Variants in USH2A observed in about 807,000 individuals in gnomAD.
USH2A encodes the protein Usher syndrome 2A (autosomal recessive, mild).
Under a neutral mutation model 538.9 loss-of-function variants are expected in USH2A, and 443 were observed. That is an observed-to-expected ratio of 0.82 (90% CI 0.76 to 0.89). The LOEUF is 0.89. USH2A is among the 40% of genes least tolerant of loss of function. The pLI, the probability that USH2A is intolerant of heterozygous loss-of-function variation, is 0.00. For missense variants in USH2A, 6,633 were observed against 6,324.8 expected, an observed-to-expected ratio of 1.05 and a Z score of -1.65; for synonymous variants, 2,413 against 2,273.5, an observed-to-expected ratio of 1.06 and a Z score of -1.75.
At chr1:216,341,024 G>A (rs2038066750) in intron 4 of USH2A, among the ~76,000 whole-genome samples, 2 of 152,162 alleles carry the variant, frequency 1.3e-5, no homozygotes, top group South Asian at 4.1e-4. Flanking sequence ...GAAATAAAGG[G>A]TATTCAAACA....
At chr1:216,272,742 T>A (rs2036599014) in intron 11 of USH2A, among the ~76,000 whole-genome samples, 1 of 151,914 alleles carries the variant, frequency 6.6e-6, no homozygotes, top group Non-Finnish European at 1.5e-5. Context: ...AATATTGTAG[T>A]GAGTAGGCAA....
intron 11 of USH2A, among the ~76,000 whole-genome samples, chr1:216,253,216 C>T (rs576691359): frequency 1.3e-5 from 2 of 150,258 alleles, no homozygotes; most frequent in East Asian, 2.0e-4. Context: ...TTTAAAAATG[C>T]CTGCAAATTT....
intron 32 of USH2A, among the ~76,000 whole-genome samples, chr1:216,035,539 T>C (rs2029895099): frequency 1.3e-5 from 2 of 152,142 alleles, no homozygotes; most frequent in Admixed American, 1.3e-4. Flanking sequence ...TTTCTGTTGT[T>C]TAAGCCATCT....
intron 61 of USH2A, among the ~76,000 whole-genome samples, chr1:215,698,434 C>T (rs142037922): frequency 0.013 from 1,955 of 152,272 alleles, 45 homozygotes; most frequent in African/African-American, 0.042. Context: ...ATTTACACTC[C>T]CACCAACAGT....
At chr1:216,132,013 C>T (rs1280378635) in intron 21 of USH2A, among the ~76,000 whole-genome samples, 5 of 152,054 alleles carry the variant, frequency 3.3e-5, no homozygotes, top group Non-Finnish European at 7.4e-5. Flanking sequence ...GGTTCTGAAT[C>T]CAGGGAATTT....
intron 61 of USH2A, among the ~76,000 whole-genome samples, chr1:215,714,330 A>G (rs1444503331): frequency 6.6e-6 from 1 of 152,204 alleles, no homozygotes; most frequent in African/African-American, 2.4e-5. Flanking sequence ...TGAGTAGGCC[A>G]GGTAAGGCTT....
At chr1:216,343,559 A>G (rs1197510576) in intron 4 of USH2A, among the ~76,000 whole-genome samples, 1 of 151,348 alleles carries the variant, frequency 6.6e-6, no homozygotes, top group Non-Finnish European at 1.5e-5. Flanking sequence ...TTTTGACAAT[A>G]CCATTAATAG....
chr1:216,322,013 C>T, intron 8 of USH2A, 37 bp from the exon 9 acceptor site: 2 of 1,587,190 alleles, frequency 1.3e-6, no homozygotes, highest in South Asian at 1.1e-5. Flanking sequence ...TAAGGAACAC[C>T]AACTCAACTG....
chr1:215,800,816 C>T (rs1183494647), intron 49 of USH2A, among the ~76,000 whole-genome samples: 1 of 151,762 alleles, frequency 6.6e-6, no homozygotes, highest in African/African-American at 2.4e-5. Context: ...TACAACTTAC[C>T]AAAGAAACCA....
chr1:216,336,362 T>C (rs915736366), intron 4 of USH2A, among the ~76,000 whole-genome samples: 6 of 151,336 alleles, frequency 4.0e-5, no homozygotes, highest in African/African-American at 1.2e-4. Flanking sequence ...ATGTCCACTT[T>C]TGCCACTTCT....
chr1:216,173,064 G>A (rs1287211645), intron 21 of USH2A, among the ~76,000 whole-genome samples: 1 of 152,128 alleles, frequency 6.6e-6, no homozygotes, highest in Non-Finnish European at 1.5e-5. Context: ...CTACTTTATA[G>A]GGTTGCAGAG....
intron 4 of USH2A, among the ~76,000 whole-genome samples, chr1:216,354,474 A>C (rs1314825858): frequency 6.6e-6 from 1 of 152,190 alleles, no homozygotes; most frequent in East Asian, 1.9e-4. Flanking sequence ...TAAATGCTAA[A>C]AGATCTAGGG....
At chr1:215,634,855 G>A (rs995323351) in intron 69 of USH2A, 152 bp from the exon 70 acceptor site, 1 of 1,351,858 alleles carries the variant, frequency 7.4e-7, no homozygotes, top group South Asian at 1.2e-5. Flanking sequence ...GCAGCCTGGG[G>A]TAATGGTTCA....
At chr1:216,170,188 T>G (rs572642597) in intron 21 of USH2A, among the ~76,000 whole-genome samples, 1 of 152,264 alleles carries the variant, frequency 6.6e-6, no homozygotes, top group Admixed American at 6.6e-5. Context: ...CAATAAGGCA[T>G]AAATATTATG....
chr1:215,948,835 CACATGAATA>C (rs1666824509), intron 37 of USH2A, among the ~76,000 whole-genome samples: 1 of 151,982 alleles, frequency 6.6e-6, no homozygotes, highest in African/African-American at 2.4e-5. Context: ...TTAATAATCT[CACATGAATA>C]ACTGGAAGCA....
At chr1:215,821,562 G>A (rs1663015118) in intron 47 of USH2A, among the ~76,000 whole-genome samples, 1 of 151,804 alleles carries the variant, frequency 6.6e-6, no homozygotes, top group Non-Finnish European at 1.5e-5. Context: ...TCTATGGCAT[G>A]TCTATTCACT....
At chr1:215,658,360 T>C (rs1415812674) in intron 64 of USH2A, among the ~76,000 whole-genome samples, 2 of 152,102 alleles carry the variant, frequency 1.3e-5, no homozygotes, top group East Asian at 3.9e-4. Flanking sequence ...TATTGAGCAC[T>C]TACACTTTTG....
chr1:216,293,930 A>G (rs1467119945), intron 9 of USH2A, among the ~76,000 whole-genome samples: 1 of 152,166 alleles, frequency 6.6e-6, no homozygotes, highest in East Asian at 1.9e-4. Flanking sequence ...ATTCAATGTT[A>G]CCCAACACTT....
At chr1:215,865,795 A>G in intron 44 of USH2A, among the ~76,000 whole-genome samples, 1 of 152,248 alleles carries the variant, frequency 6.6e-6, no homozygotes, top group East Asian at 1.9e-4. Flanking sequence ...TATTTTGTGG[A>G]AACACAGATA....
Sources: gnomAD v4.1 joint callset for allele counts (sites outside exome capture counted in the v4.1 genomes callset) on GRCh38, gnomAD v4.1.1 for gene constraint, MANE v1.5 for transcripts, NCBI Gene and HGNC (gene_info 2026-07-23, HGNC 2026-07-21) for gene names.